The following RANBP2 variants were observed in gnomAD, a reference collection of about 807,000 sequenced individuals.
The protein encoded by RANBP2 is RAN binding protein 2, also known as E3 SUMO-protein ligase RanBP2.
RANBP2 carries 57 observed loss-of-function variants against 303.6 expected under a neutral mutation model. That is an observed-to-expected ratio of 0.19 (90% CI 0.15 to 0.23). RANBP2 has a LOEUF of 0.23. Among genes scored for constraint, RANBP2 ranks in the 10% least tolerant of loss-of-function variants. RANBP2 has a pLI of 1.00. For synonymous variants in RANBP2, 1,167 were observed against 1,301.5 expected (o/e 0.90, Z 2.23); for missense variants, 3,138 against 3,780.8 (o/e 0.83, Z 4.46).
the RANBP2 span, among the ~76,000 whole-genome samples, chr2:109,580,648 GT>G: frequency 6.6e-6 from 1 of 152,116 alleles, no homozygotes; most frequent in South Asian, 2.1e-4. Flanking sequence ...AATAAAGCCT[GT>G]CTTCAGTCAT....
At chr2:109,328,283 C>T in the RANBP2 span, among the ~76,000 whole-genome samples, 1 of 152,176 alleles carries the variant, frequency 6.6e-6, no homozygotes, top group Non-Finnish European at 1.5e-5. Flanking sequence ...GCATAGGATT[C>T]CATCTCTCTT....
chr2:108,780,530 C>CTT (rs774240154), intron 25 of RANBP2, among the ~76,000 whole-genome samples: 2 of 120,606 alleles, frequency 1.7e-5, no homozygotes, highest in Admixed American at 1.7e-4. Flanking sequence ...ACACTGCTAA[C>CTT]TTTTTTTTTT....
the RANBP2 span, among the ~76,000 whole-genome samples, chr2:108,892,635 A>G: frequency 5.3e-5 from 8 of 152,304 alleles, no homozygotes; most frequent in African/African-American, 1.9e-4. Context: ...ATGGTCTCCC[A>G]GCAGCTCCCT....
the RANBP2 span, among the ~76,000 whole-genome samples, chr2:109,654,643 T>C: frequency 1.3e-5 from 2 of 152,132 alleles, no homozygotes; most frequent in Non-Finnish European, 2.9e-5. Flanking sequence ...ATCATAGAAT[T>C]GATAGAGCTC....
chr2:109,125,499 A>C, the RANBP2 span, among the ~76,000 whole-genome samples: 1 of 152,124 alleles, frequency 6.6e-6, no homozygotes, highest in African/African-American at 2.4e-5. Flanking sequence ...CCCTTACCAC[A>C]TCGTCATTAA....
the RANBP2 span, among the ~76,000 whole-genome samples, chr2:109,467,966 G>C: frequency 6.6e-6 from 1 of 152,246 alleles, no homozygotes; most frequent in Non-Finnish European, 1.5e-5. Flanking sequence ...TGCTGGGTCA[G>C]AGGCAGAGAG....
the RANBP2 span, among the ~76,000 whole-genome samples, chr2:109,526,509 G>C: frequency 1.3e-5 from 2 of 152,014 alleles, no homozygotes; most frequent in Non-Finnish European, 2.9e-5. Context: ...GCAGGGTTTT[G>C]CCATGTTAGC....
At chr2:109,025,754 C>G in the RANBP2 span, among the ~76,000 whole-genome samples, 1 of 150,276 alleles carries the variant, frequency 6.7e-6, no homozygotes, top group Non-Finnish European at 1.5e-5. Flanking sequence ...GCCGAGATCA[C>G]GCCACTGCAC....
At chr2:109,548,529 C>T in the RANBP2 span, among the ~76,000 whole-genome samples, 14 of 151,930 alleles carry the variant, frequency 9.2e-5, no homozygotes, top group East Asian at 3.9e-4. Flanking sequence ...AAGGGGGAGA[C>T]GTTTGGGAGG....
the RANBP2 span, among the ~76,000 whole-genome samples, chr2:109,425,728 G>GCT: frequency 0.016 from 2,367 of 152,112 alleles, 60 homozygotes; most frequent in African/African-American, 0.055. Flanking sequence ...AAATATTACT[G>GCT]CTCATTGCCA....
the RANBP2 span, among the ~76,000 whole-genome samples, chr2:108,987,755 G>T: frequency 7.2e-3 from 1,090 of 152,324 alleles, 9 homozygotes; most frequent in South Asian, 0.028. Context: ...TTTCCCAGCC[G>T]TGAAGGGTAC....
chr2:109,126,648 T>C, the RANBP2 span, among the ~76,000 whole-genome samples: 73 of 152,252 alleles, frequency 4.8e-4, no homozygotes, highest in African/African-American at 1.6e-3. Flanking sequence ...AGGCAGCTGG[T>C]GCAAGAAAGT....
chr2:109,049,763 G>A, the RANBP2 span, among the ~76,000 whole-genome samples: 1 of 152,168 alleles, frequency 6.6e-6, no homozygotes, highest in Non-Finnish European at 1.5e-5. Flanking sequence ...GGGATTTATG[G>A]AGTGTTTCAA....
At chr2:109,587,204 A>T in the RANBP2 span, among the ~76,000 whole-genome samples, 1 of 152,210 alleles carries the variant, frequency 6.6e-6, no homozygotes, top group Non-Finnish European at 1.5e-5. Flanking sequence ...GACAAAAAGC[A>T]GCAGACAGAA....
chr2:109,164,375 G>A, the RANBP2 span, among the ~76,000 whole-genome samples: 7 of 152,198 alleles, frequency 4.6e-5, no homozygotes, highest in South Asian at 1.5e-3. Context: ...TTAGAGATGG[G>A]GTCTTGCTGT....
the RANBP2 span, among the ~76,000 whole-genome samples, chr2:109,396,558 T>A: frequency 2.0e-5 from 3 of 151,938 alleles, no homozygotes; most frequent in Non-Finnish European, 4.4e-5. Context: ...GGCTTCTGGG[T>A]TTTTTGTTTT....
the RANBP2 span, among the ~76,000 whole-genome samples, chr2:109,716,577 ACTC>A: frequency 1.9e-4 from 27 of 138,730 alleles, no homozygotes; most frequent in African/African-American, 7.1e-4. Context: ...ACAGGGTCTC[ACTC>A]TAGTTGCCCA....
chr2:108,840,682 A>T, the RANBP2 span, among the ~76,000 whole-genome samples: 1 of 152,034 alleles, frequency 6.6e-6, no homozygotes, highest in East Asian at 1.9e-4. Flanking sequence ...TTCCTTCTTG[A>T]TATGGATAAT....
chr2:108,743,164 G>T (rs941164730), intron 7 of RANBP2, among the ~76,000 whole-genome samples: 31 of 152,184 alleles, frequency 2.0e-4, no homozygotes, highest in Non-Finnish European at 2.4e-4. Flanking sequence ...GTGTCACCCG[G>T]GCTGGAGTGC....
Sources: gnomAD v4.1 joint callset for allele counts (sites outside exome capture counted in the v4.1 genomes callset) on GRCh38, gnomAD v4.1.1 for gene constraint, MANE v1.5 for transcripts, NCBI Gene and HGNC (gene_info 2026-07-23, HGNC 2026-07-21) for gene names.